The following LDB2 variants were observed in gnomAD, a reference collection of about 807,000 sequenced individuals.
The protein encoded by LDB2 is LIM domain binding 2.
In LDB2, 12 loss-of-function variants were observed where a neutral mutation model predicts 44.3. The observed-to-expected ratio is 0.27, with a 90% CI of 0.17 to 0.44. LDB2 has a LOEUF of 0.44. Among genes scored for constraint, LDB2 ranks in the 20% least tolerant of loss-of-function variants. LDB2 has a pLI of 1.00. For synonymous variants in LDB2, 164 were observed against 174.8 expected (o/e 0.94, Z 0.49); for missense variants, 344 against 473.5 (o/e 0.73, Z 2.54).
chr4:16,744,305 C>T (rs1222097108), intron 2 of LDB2, among the ~76,000 whole-genome samples: 3 of 151,504 alleles, frequency 2.0e-5, no homozygotes, highest in Admixed American at 2.0e-4. Flanking sequence ...TACAGGCACC[C>T]GCCATCATGC....
intron 1 of LDB2, among the ~76,000 whole-genome samples, chr4:16,843,964 A>T (rs1786399035): frequency 6.6e-6 from 1 of 151,796 alleles, no homozygotes; most frequent in Admixed American, 6.6e-5. Context: ...CCCTATTAAG[A>T]TCAATCAGCC....
At chr4:16,771,382 G>A (rs540551221) in intron 1 of LDB2, among the ~76,000 whole-genome samples, 1 of 152,170 alleles carries the variant, frequency 6.6e-6, no homozygotes, top group South Asian at 2.1e-4. Context: ...TGTTTACCAG[G>A]GGACTTGAAT....
At chr4:16,784,134 A>G (rs1773888631) in intron 1 of LDB2, among the ~76,000 whole-genome samples, 1 of 152,188 alleles carries the variant, frequency 6.6e-6, no homozygotes, top group Non-Finnish European at 1.5e-5. Context: ...TCAGCGTTTC[A>G]TCTCATGTAA....
At chr4:16,609,313 G>A (rs1724908840) in intron 2 of LDB2, among the ~76,000 whole-genome samples, 1 of 135,826 alleles carries the variant, frequency 7.4e-6, no homozygotes, top group Non-Finnish European at 1.5e-5. Flanking sequence ...CTCTCAGCTG[G>A]AATCTGCTTA....
At chr4:16,763,828 G>A (rs1294374259) in intron 1 of LDB2, among the ~76,000 whole-genome samples, 1 of 151,946 alleles carries the variant, frequency 6.6e-6, no homozygotes, top group Non-Finnish European at 1.5e-5. Flanking sequence ...CTTAATAGCT[G>A]GATGACCTCA....
At chr4:16,857,599 C>G (rs965420719) in intron 1 of LDB2, among the ~76,000 whole-genome samples, 8 of 152,164 alleles carry the variant, frequency 5.3e-5, no homozygotes, top group Non-Finnish European at 1.0e-4. Flanking sequence ...CACTCTGCTC[C>G]GAGCACAAAG....
Position 16,570,462 on chromosome 4 carries a change from CAAAAAAAAAAAAAAAAAAAAAAAAA to C in LDB2, c.615+15435_615+15459del, listed in dbSNP as rs71181175. Among the ~76,000 whole-genome samples, 61 of 16,604 alleles carry C rather than the reference CAAAAAAAAAAAAAAAAAAAAAAAAA, an allele frequency of 3.7e-3. 1 individual carries two copies. Among genetic ancestry groups the C allele is most frequent in the South Asian group, 0.011 (4 of 348 alleles). 10.9% of individuals were successfully genotyped at this position (16,604 alleles called of 152,430 possible). ...TGGGAGACAGAGCAAGACTCTGTCT[CAAAAAAAAAAAAAAAAAAAAAAAAA>C]AAAAAAAAAAAAAAAAAGTTTACAT... On this transcript the variant is annotated intron_variant, in intron 5 of 7. Transcript: ENST00000304523.
At chr4:16,668,405 G>A (rs966221213) in intron 2 of LDB2, among the ~76,000 whole-genome samples, 1 of 152,116 alleles carries the variant, frequency 6.6e-6, no homozygotes, top group Non-Finnish European at 1.5e-5. Context: ...ATCCCTCTCC[G>A]TGATAGCTCT....
At chr4:16,806,527 G>A (rs1197696953) in intron 1 of LDB2, among the ~76,000 whole-genome samples, 3 of 152,226 alleles carry the variant, frequency 2.0e-5, no homozygotes, top group Non-Finnish European at 4.4e-5. Context: ...GGTAGAAGGA[G>A]CCCTGCCATT....
chr4:16,823,846 A>G (rs771480781), intron 1 of LDB2, among the ~76,000 whole-genome samples: 3 of 152,204 alleles, frequency 2.0e-5, no homozygotes, highest in Non-Finnish European at 4.4e-5. Context: ...AATCTTACCT[A>G]ATTATGCCAG....
intron 5 of LDB2, among the ~76,000 whole-genome samples, chr4:16,569,316 G>A (rs571235426): frequency 5.9e-5 from 9 of 152,288 alleles, no homozygotes; most frequent in Middle Eastern, 3.4e-3. Context: ...ATGATTGAAC[G>A]GAAAAGGGGT....
At chr4:16,636,173 T>C (rs1465467789) in intron 2 of LDB2, among the ~76,000 whole-genome samples, 3 of 152,208 alleles carry the variant, frequency 2.0e-5, no homozygotes, top group Non-Finnish European at 4.4e-5. Context: ...TTATCCCAGT[T>C]TTACAGAAGA....
At chr4:16,506,064 A>C (rs1032177334) in intron 7 of LDB2, 69 of 1,452,864 alleles carry the variant, frequency 4.7e-5, no homozygotes, top group Non-Finnish European at 6.3e-5. Flanking sequence ...CAGCAGCTAC[A>C]CAGACCACAG....
chr4:16,614,678 A>G (rs557385605), intron 2 of LDB2, among the ~76,000 whole-genome samples: 2 of 152,006 alleles, frequency 1.3e-5, no homozygotes, highest in African/African-American at 4.8e-5. Context: ...CGTACCAACA[A>G]ACGTGATAAA....
chr4:16,558,065 T>G (rs904482523), intron 5 of LDB2, among the ~76,000 whole-genome samples: 1 of 152,080 alleles, frequency 6.6e-6, no homozygotes, highest in Non-Finnish European at 1.5e-5. Context: ...AACCCATCTG[T>G]ACATCACCAT....
chr4:16,663,151 G>T (rs998857926), intron 2 of LDB2, among the ~76,000 whole-genome samples: 6 of 152,048 alleles, frequency 3.9e-5, no homozygotes, highest in African/African-American at 1.4e-4. Flanking sequence ...AAAGCATATG[G>T]AATTTTTCTG....
chr4:16,668,558 C>T (rs1189301005), intron 2 of LDB2, among the ~76,000 whole-genome samples: 3 of 152,112 alleles, frequency 2.0e-5, no homozygotes, highest in African/African-American at 7.2e-5. Flanking sequence ...TTCTAACATC[C>T]CTCCAGCATT....
chr4:16,764,060 G>A (rs1768619030), intron 1 of LDB2, among the ~76,000 whole-genome samples: 2 of 152,152 alleles, frequency 1.3e-5, no homozygotes, highest in South Asian at 4.1e-4. Flanking sequence ...TAGAAAGCAA[G>A]AAAGTGATGA....
chr4:16,746,692 C>T (rs1378824754), intron 2 of LDB2, among the ~76,000 whole-genome samples: 1 of 152,122 alleles, frequency 6.6e-6, no homozygotes, highest in Non-Finnish European at 1.5e-5. Context: ...GAGGCTGAGG[C>T]AGGAGAATCA....
Sources: gnomAD v4.1 joint callset for allele counts (sites outside exome capture counted in the v4.1 genomes callset) on GRCh38, gnomAD v4.1.1 for gene constraint, MANE v1.5 for transcripts, NCBI Gene and HGNC (gene_info 2026-07-23, HGNC 2026-07-21) for gene names.